PACSIN2: variants seen among roughly 807,000 people sequenced by gnomAD.
PACSIN2 encodes the protein protein kinase C and casein kinase substrate in neurons 2, also known as protein kinase C and casein kinase substrate in neurons protein 2.
In PACSIN2, 25 loss-of-function variants were observed where a neutral mutation model predicts 63.8. That is an observed-to-expected ratio of 0.39 (90% confidence interval 0.29 to 0.55). The LOEUF (loss-of-function observed/expected upper bound fraction) is 0.55. Among genes scored for constraint, PACSIN2 ranks in the 20% least tolerant of loss-of-function variants. The pLI, the probability that PACSIN2 is intolerant of heterozygous loss-of-function variation, is 0.62. For synonymous variants in PACSIN2, 255 were observed against 256.2 expected, an observed-to-expected ratio of 1.00 and a Z score of 0.05; for missense variants, 518 against 646.9, an observed-to-expected ratio of 0.80 and a Z score of 2.16.
intron 10 of PACSIN2, among the ~76,000 whole-genome samples, chr22:42,872,948 T>C (rs1390578135): frequency 6.6e-6 from 1 of 152,178 alleles, no homozygotes; most frequent in African/African-American, 2.4e-5. Context: ...CCTGCCTTCA[T>C]TGGTTGCTGT....
At chr22:42,924,636 A>C (rs1356907620) in intron 1 of PACSIN2, among the ~76,000 whole-genome samples, 2 of 151,778 alleles carry the variant, frequency 1.3e-5, no homozygotes, top group Non-Finnish European at 2.9e-5. Flanking sequence ...ACCAAGCTCC[A>C]CTTGGCTCCT....
chr22:42,880,350 TTGAC>T (rs1228847579), intron 7 of PACSIN2, among the ~76,000 whole-genome samples: 2 of 152,212 alleles, frequency 1.3e-5, no homozygotes, highest in African/African-American at 2.4e-5. Flanking sequence ...CCAAAATAGA[TTGAC>T]TGAGAACTCA....
intron 1 of PACSIN2, among the ~76,000 whole-genome samples, chr22:42,975,126 C>G (rs1026541637): frequency 2.6e-5 from 4 of 152,170 alleles, no homozygotes; most frequent in African/African-American, 9.7e-5. Context: ...ATCACCCTCT[C>G]TAAGGTCCAA....
chr22:42,938,887 A>G (rs941654672), intron 1 of PACSIN2, among the ~76,000 whole-genome samples: 1 of 152,220 alleles, frequency 6.6e-6, no homozygotes, highest in African/African-American at 2.4e-5. Flanking sequence ...ACAAATTTGT[A>G]TTTTTTAAAA....
rs772477232 is a variant in PACSIN2, at chr22:42,891,018, A to G, written c.382T>C (p.Phe128Leu). ...TCCTCAGCTTCCTTGGTCTCCTTGA[A>G]GCCGCCCATCATCTGCTTGTGAAAG... ...EAFHKQMMGGFKETKEAEDGF... is the reference protein window; with the variant it reads ...EAFHKQMMGGLKETKEAEDGF... The change falls in exon 4 of 11, where the codon TTC becomes CTC. Residue 128 changes from phenylalanine to leucine, a missense_variant. Phe to Leu is a conservative substitution (Grantham distance 22, BLOSUM62 0). This residue lies in a region of PACSIN2 where 507 missense variants were observed against 612.3 expected (regional missense o/e 0.83). Transcript: ENST00000263246. 6.2e-7 allele frequency: 1 copy of G among 1,614,152 alleles called. No individual in the cohort carries two copies. The highest frequency in any genetic ancestry group is 8.5e-7 in the Non-Finnish European group (1 of 1,180,044).
intron 1 of PACSIN2, among the ~76,000 whole-genome samples, chr22:42,997,431 G>A (rs5759079): frequency 0.19 from 28,592 of 151,876 alleles, 4,273 homozygotes; most frequent in East Asian, 0.69. Context: ...GGTGGCAGGC[G>A]CCTGTAGTCC....
At chr22:42,874,702 C>G (rs1928453116) in intron 10 of PACSIN2, among the ~76,000 whole-genome samples, 1 of 152,190 alleles carries the variant, frequency 6.6e-6, no homozygotes, top group Admixed American at 6.5e-5. Context: ...ATGGGGGAAC[C>G]TGGTGGTCCT....
At chr22:42,971,445 C>T (rs572031649) in intron 1 of PACSIN2, among the ~76,000 whole-genome samples, 1 of 152,340 alleles carries the variant, frequency 6.6e-6, no homozygotes, top group African/African-American at 2.4e-5. Context: ...CAACCCCCAC[C>T]TCCCAGCCGC....
chr22:42,933,275 A>G (rs2146780559), intron 1 of PACSIN2, among the ~76,000 whole-genome samples: 1 of 152,326 alleles, frequency 6.6e-6, no homozygotes, highest in South Asian at 2.1e-4. Context: ...AGAAATATAT[A>G]TTTCTCAAAG....
intron 10 of PACSIN2, among the ~76,000 whole-genome samples, chr22:42,874,718 A>G (rs1928454534): frequency 6.6e-6 from 1 of 152,212 alleles, no homozygotes; most frequent in Admixed American, 6.5e-5. Flanking sequence ...GTCCTGGCCA[A>G]CAGCTTCTCC....
chr22:42,990,477 A>C (rs1485085750), intron 1 of PACSIN2, among the ~76,000 whole-genome samples: 2 of 152,210 alleles, frequency 1.3e-5, no homozygotes, highest in Non-Finnish European at 2.9e-5. Flanking sequence ...CGGTCATACC[A>C]TACATGAGGA....
chr22:42,886,001 G>A (rs1467627264), intron 5 of PACSIN2, among the ~76,000 whole-genome samples: 2 of 152,180 alleles, frequency 1.3e-5, no homozygotes, highest in African/African-American at 2.4e-5. Flanking sequence ...TGGGTTCAGC[G>A]CCCAGCATCT....
chr22:42,951,661 C>T (rs1288269079), intron 1 of PACSIN2, among the ~76,000 whole-genome samples: 2 of 152,188 alleles, frequency 1.3e-5, no homozygotes, highest in African/African-American at 4.8e-5. Context: ...CATAACATCA[C>T]CTCTACCTCA....
chr22:42,900,838 C>T (rs1364130866), intron 2 of PACSIN2, among the ~76,000 whole-genome samples: 1 of 152,128 alleles, frequency 6.6e-6, no homozygotes, highest in Admixed American at 6.5e-5. Context: ...CATGGTCATG[C>T]AACAGAAAGA....
At chr22:42,940,567 G>A (rs746536583) in intron 1 of PACSIN2, among the ~76,000 whole-genome samples, 7 of 152,168 alleles carry the variant, frequency 4.6e-5, no homozygotes, top group Non-Finnish European at 1.0e-4. Flanking sequence ...TATGAGCCCC[G>A]CCCTGGGACA....
chr22:42,944,530 C>T (rs556953906), intron 1 of PACSIN2, among the ~76,000 whole-genome samples: 1 of 152,330 alleles, frequency 6.6e-6, no homozygotes, highest in Admixed American at 6.5e-5. Context: ...TTACCAACCT[C>T]TGACCCTTAA....
intron 2 of PACSIN2, among the ~76,000 whole-genome samples, chr22:42,901,863 G>GGCACC (rs1930711540): frequency 6.6e-6 from 1 of 152,162 alleles, no homozygotes; most frequent in Admixed American, 6.5e-5. Context: ...TGCCTGCAGG[G>GGCACC]GCACCACCAG....
intron 2 of PACSIN2, among the ~76,000 whole-genome samples, chr22:42,900,766 A>AC (rs1299940990): frequency 6.6e-6 from 1 of 152,136 alleles, no homozygotes; most frequent in African/African-American, 2.4e-5. Flanking sequence ...GAGCCACCGC[A>AC]CCCGACCTAG....
chr22:42,884,267 G>A (rs1346240496), intron 6 of PACSIN2, 119 bp downstream of exon 6: 6 of 864,454 alleles, frequency 6.9e-6, no homozygotes, highest in Non-Finnish European at 1.1e-5. Flanking sequence ...CCTGAGGGCG[G>A]TGAGGAGACC....
Sources: allele counts gnomAD v4.1 joint callset (sites outside exome capture counted in the v4.1 genomes callset), GRCh38; gene constraint gnomAD v4.1.1; regional missense constraint gnomAD v4.1.1; transcripts MANE v1.5; gene names NCBI Gene and HGNC (gene_info 2026-07-23, HGNC 2026-07-21).